C9orf85: variants seen among roughly 807,000 people sequenced by gnomAD.
The protein encoded by C9orf85 is uncharacterized protein C9orf85.
In C9orf85, 16 loss-of-function variants were observed where a neutral mutation model predicts 14.9. That is an observed-to-expected ratio of 1.08 (90% CI 0.73 to 1.63). The LOEUF is 1.63. Ranked by LOEUF, C9orf85 falls within the 40% of genes most tolerant of loss-of-function variation. C9orf85 has a pLI of 0.00. For synonymous variants in C9orf85, 45 were observed against 56.8 expected, an observed-to-expected ratio of 0.79 and a Z score of 0.93; for missense variants, 172 against 186.1, an observed-to-expected ratio of 0.92 and a Z score of 0.44.
Position 71,948,823 on chromosome 9 carries a change from C to A in C9orf85, c.209+1711C>A, listed in dbSNP as rs1394027816. On this transcript the variant is annotated intron_variant, in intron 2 of 3. Coordinates refer to ENST00000334731, the MANE Select transcript of C9orf85 (RefSeq NM_182505.5). Reference sequence around the variant, plus strand: ...ACAGGCGTGAGCCACGCCCCCCCCCCCCCCTTTAAATAGTTTTACCAGCTT... The same window carrying A: ...ACAGGCGTGAGCCACGCCCCCCCCCACCCCTTTAAATAGTTTTACCAGCTT... Among the ~76,000 whole-genome samples, 2 of 149,640 alleles carry A rather than the reference C, an allele frequency of 1.3e-5. 1 individual carries two copies. The highest frequency in any genetic ancestry group is 4.9e-5 in the African/African-American group (2 of 40,834).
intron 1 of C9orf85, among the ~76,000 whole-genome samples, chr9:71,926,682 C>G (rs1827937575): frequency 6.7e-6 from 1 of 148,716 alleles, no homozygotes; most frequent in Non-Finnish European, 1.5e-5. Context: ...TAAAAACTAC[C>G]ACTGTGGTTG....
At chr9:71,967,918 A>G (rs551935063) in intron 2 of C9orf85, among the ~76,000 whole-genome samples, 92 of 151,956 alleles carry the variant, frequency 6.1e-4, no homozygotes, top group Non-Finnish European at 1.2e-3. Flanking sequence ...CCTTCAGTTC[A>G]TAGTTTACTG....
At chr9:71,914,394 A>G (rs933543759) in intron 1 of C9orf85, among the ~76,000 whole-genome samples, 1 of 152,018 alleles carries the variant, frequency 6.6e-6, no homozygotes, top group Non-Finnish European at 1.5e-5. Flanking sequence ...GCCCAAGACA[A>G]TTCTTCCAGT....
intron 2 of C9orf85, among the ~76,000 whole-genome samples, chr9:71,967,303 T>A (rs536862116): frequency 6.6e-6 from 1 of 152,214 alleles, no homozygotes; most frequent in African/African-American, 2.4e-5. Flanking sequence ...CAGTTTCCTT[T>A]CTACTATCTT....
At chr9:71,930,525 T>A (rs923779580) in intron 1 of C9orf85, among the ~76,000 whole-genome samples, 1 of 151,886 alleles carries the variant, frequency 6.6e-6, no homozygotes, top group Admixed American at 6.6e-5. Context: ...CCAGGCATGT[T>A]GGCTCACACC....
chr9:71,920,398 A>T (rs1427867490), intron 1 of C9orf85, among the ~76,000 whole-genome samples: 1 of 152,250 alleles, frequency 6.6e-6, no homozygotes, highest in Non-Finnish European at 1.5e-5. Flanking sequence ...ATTCACGCTT[A>T]GAAACAGACT....
intron 1 of C9orf85, among the ~76,000 whole-genome samples, chr9:71,940,017 C>T (rs1828289920): frequency 6.6e-6 from 1 of 151,656 alleles, no homozygotes; most frequent in Admixed American, 6.6e-5. Context: ...ATTCAAGAGT[C>T]AAAAAGTATG....
At chr9:71,976,444 C>G (rs1056640770), downstream of C9orf85, among the ~76,000 whole-genome samples, 10 of 152,040 alleles carry the variant, frequency 6.6e-5, no homozygotes, top group Non-Finnish European at 1.2e-4. Flanking sequence ...GGGTGGATCA[C>G]GAGGTCAGGA....
intron 2 of C9orf85, among the ~76,000 whole-genome samples, chr9:71,948,676 C>G (rs1307381315): frequency 6.6e-6 from 1 of 152,124 alleles, no homozygotes; most frequent in African/African-American, 2.4e-5. Flanking sequence ...TACATACCAC[C>G]ATGCCTGGCT....
rs570558604 is a variant in C9orf85, at chr9:71,911,936, A to C, written c.102+100A>C. ...GAGGAGTCGGCTGGGGCGAGTGTGG[A>C]CCGCAGCCCAGAGTTAGTCTTGGCT... is the stretch of plus-strand genomic sequence containing the variant. On this transcript the variant is annotated intron_variant, in intron 1 of 3. Coordinates refer to ENST00000334731, the MANE Select transcript of C9orf85 (RefSeq NM_182505.5). The C allele has an allele frequency of 2.9e-6, 3 of 1,026,242 alleles. No individual in the cohort carries two copies. The African/African-American group carries it at 4.7e-5, about 16-fold the overall frequency. 63.6% of individuals were successfully genotyped at this position (1,026,242 alleles called of 1,614,324 possible).
chr9:71,942,321 C>A (rs769724530), intron 1 of C9orf85, among the ~76,000 whole-genome samples: 30 of 152,190 alleles, frequency 2.0e-4, no homozygotes, highest in Non-Finnish European at 3.8e-4. Context: ...ACTTCAGTAA[C>A]AAGAATACTT....
At chr9:71,932,849 A>G (rs1224215729) in intron 1 of C9orf85, among the ~76,000 whole-genome samples, 4 of 152,186 alleles carry the variant, frequency 2.6e-5, no homozygotes, top group Non-Finnish European at 5.9e-5. Context: ...AAGATACTCA[A>G]AGAACTAAAG....
chr9:71,936,569 T>C (rs1047028149), intron 1 of C9orf85, among the ~76,000 whole-genome samples: 1 of 152,130 alleles, frequency 6.6e-6, no homozygotes, highest in African/African-American at 2.4e-5. Context: ...TATAGCTATT[T>C]GTTTCCATTT....
At chr9:71,974,974 T>C (rs1363822387), downstream of C9orf85, among the ~76,000 whole-genome samples, 1 of 152,202 alleles carries the variant, frequency 6.6e-6, no homozygotes, top group African/African-American at 2.4e-5. Flanking sequence ...TGGAATGTTA[T>C]TTTAGAAATC....
At chr9:71,944,281 C>T (rs998573815) in intron 1 of C9orf85, among the ~76,000 whole-genome samples, 55 of 151,460 alleles carry the variant, frequency 3.6e-4, no homozygotes, top group African/African-American at 1.3e-3. Flanking sequence ...ATTTTTAAGA[C>T]GTTATGTATA....
At chr9:71,954,051 A>G (rs1396452742) in intron 2 of C9orf85, among the ~76,000 whole-genome samples, 1 of 151,218 alleles carries the variant, frequency 6.6e-6, no homozygotes, top group Non-Finnish European at 1.5e-5. Flanking sequence ...CAGTCAAGGC[A>G]GCAGTGAGCT....
intron 1 of C9orf85, among the ~76,000 whole-genome samples, chr9:71,917,919 A>G (rs1231656337): frequency 6.6e-6 from 1 of 152,260 alleles, no homozygotes; most frequent in Non-Finnish European, 1.5e-5. Context: ...ACAGTGGCTC[A>G]TGCCTGTAAT....
At chr9:71,935,919 A>G (rs558450893) in intron 1 of C9orf85, among the ~76,000 whole-genome samples, 3 of 152,084 alleles carry the variant, frequency 2.0e-5, no homozygotes, top group Non-Finnish European at 4.4e-5. Context: ...CAGAAAAAAA[A>G]TAACTGTTGG....
intron 2 of C9orf85, among the ~76,000 whole-genome samples, chr9:71,954,114 G>A (rs1330457171): frequency 7.8e-4 from 102 of 130,032 alleles, no homozygotes; most frequent in South Asian, 7.6e-4. Flanking sequence ...CCCCAGCTTG[G>A]AAAAAAAAAA....
Sources: gnomAD v4.1 joint callset for allele counts (sites outside exome capture counted in the v4.1 genomes callset) on GRCh38, gnomAD v4.1.1 for gene constraint, MANE v1.5 for transcripts, NCBI Gene and HGNC (gene_info 2026-07-23, HGNC 2026-07-21) for gene names.